TYRP1: variants seen among roughly 807,000 people sequenced by gnomAD.
TYRP1 encodes 5,6-dihydroxyindole-2-carboxylic acid oxidase.
Under a neutral mutation model 42.8 loss-of-function variants are expected in TYRP1, and 49 were observed. The ratio of observed to expected loss-of-function variants is 1.14; its 90% CI spans 0.91 to 1.45. TYRP1 has a LOEUF of 1.45. Among genes scored for constraint, TYRP1 ranks in the 40% most tolerant of loss-of-function variants. The pLI, the probability that TYRP1 is intolerant of heterozygous loss-of-function variation, is 0.00. For missense variants in TYRP1, 848 were observed against 662.0 expected (o/e 1.28, Z -3.08); for synonymous variants, 279 against 235.4 (o/e 1.19, Z -1.69).
At chr9:12,697,116 A>G (rs958288021) in intron 3 of TYRP1, among the ~76,000 whole-genome samples, 8 of 152,174 alleles carry the variant, frequency 5.3e-5, no homozygotes, top group Non-Finnish European at 1.0e-4. Context: ...TTAGTAGATT[A>G]TAGATAAATC....
intron 6 of TYRP1, 37 bp from the exon 7 acceptor site, chr9:12,707,960 T>TTATG (rs1347925803): frequency 6.4e-7 from 1 of 1,561,512 alleles, no homozygotes; most frequent in Non-Finnish European, 8.7e-7. Flanking sequence ...ATTAATTTTA[T>TTATG]TATGTTTATT....
intron 4 of TYRP1, 23 bp downstream of exon 4, chr9:12,698,678 G>A: frequency 6.2e-7 from 1 of 1,606,406 alleles, no homozygotes; most frequent in Non-Finnish European, 8.5e-7. Context: ...TGATAGCTTG[G>A]AGTCAGAATT....
At chr9:12,705,167 G>C (rs570016770) in intron 6 of TYRP1, among the ~76,000 whole-genome samples, 150 of 152,032 alleles carry the variant, frequency 9.9e-4, no homozygotes, top group Admixed American at 1.9e-3. Flanking sequence ...TGTTCCACTT[G>C]AAAAGTTAAT....
At chr9:12,699,317 C>T (rs1818128497) in intron 4 of TYRP1, among the ~76,000 whole-genome samples, 1 of 151,970 alleles carries the variant, frequency 6.6e-6, no homozygotes, top group Non-Finnish European at 1.5e-5. Context: ...TCTTCCTGAG[C>T]TTTCTGTTCT....
Position 12,702,277 on chromosome 9 carries a change from A to G in TYRP1, c.920A>G (p.Glu307Gly). 3 of 1,613,008 alleles carry G rather than the reference A, an allele frequency of 1.9e-6. No individual in the cohort carries two copies. The highest frequency in any genetic ancestry group is 2.7e-5 in the African/African-American group (2 of 74,988). The change falls in exon 5 of 8, where the codon GAG becomes GGG. Residue 307 changes from glutamate (E) to glycine (G), a missense_variant. Physicochemically the swap from Glu to Gly is moderately conservative, Grantham distance 98. Coordinates refer to ENST00000388918, the MANE Select transcript of TYRP1 (RefSeq NM_000550.3). The part of the protein sequence containing the change: ...DTLGTLCNST[E>G]DGPIRRNPAG... ...ATCCCATTTTTTTCTGCAGGCACCG[A>G]GGATGGGCCAATTAGGAGAAATCCA...
rs41316015 is a variant in TYRP1, at chr9:12,708,945, G to T, written c.1409-32G>T. On this transcript the variant is annotated intron_variant, in intron 7 of 7. Coordinates refer to ENST00000388918, the MANE Select transcript of TYRP1 (RefSeq NM_000550.3). ...TTTGGTGATAACTATTTTAATATTT[G>T]TCTTTTTATTTTTATCTTCCTTTCC... The T allele has an allele frequency of 3.9e-6, 6 of 1,541,836 alleles. No homozygotes were observed. The South Asian group carries it at 6.7e-5, about 17-fold the overall frequency.
chr9:12,699,158 T>C (rs1466099690), intron 4 of TYRP1, among the ~76,000 whole-genome samples: 1 of 152,082 alleles, frequency 6.6e-6, no homozygotes, highest in East Asian at 1.9e-4. Context: ...AAAAGGAGTA[T>C]ATTGTACTGA....
chr9:12,708,076 C>T lies in TYRP1; in HGVS notation c.1341C>T (p.Val447=), dbSNP rs1352921355. The T allele has an allele frequency of 9.3e-6, 15 of 1,612,694 alleles. No homozygotes were observed. The highest frequency in any genetic ancestry group is 1.3e-5 in the Non-Finnish European group (15 of 1,179,310). The change falls in exon 7 of 8, where the codon GTC becomes GTT. Residue 447 remains valine (V), a synonymous_variant. Transcript: ENST00000388918. ...QYNMVPFWPP[V]TNTEMFVTAP... ...ACATGGTGCCATTCTGGCCCCCAGT[C>T]ACCAACACAGAAATGTTTGTTACTG...
Position 12,707,574 on chromosome 9 carries a change from G to A in TYRP1, c.1262-423G>A, listed in dbSNP as rs41314614. On this transcript the variant is annotated intron_variant, in intron 6 of 7. Transcript: ENST00000388918. The stretch of plus-strand genomic sequence containing the variant: ...GTGGCTGGAGTAGAGTGGGGTCTGG[G>A]GAGAGAGTGGTGAGAGATAGTAAGG... 3.2e-3 allele frequency: 580 copies of A among 179,466 alleles called. 1 individual carries two copies. Among genetic ancestry groups the A allele is most frequent in the South Asian group, 9.4e-3 (70 of 7,430 alleles). The allele number at this position is 179,466 out of a possible 1,614,324, so 11.1% of individuals were successfully genotyped here. A position where few individuals can be genotyped will look rare whatever the true frequency, so the allele number is the denominator to read the frequency against.
chr9:12,701,018 G>A (rs1302983178), intron 4 of TYRP1, among the ~76,000 whole-genome samples: 2 of 152,004 alleles, frequency 1.3e-5, no homozygotes, highest in East Asian at 3.9e-4. Flanking sequence ...ATGAGTTGAA[G>A]TTGTAAAATT....
At position 12,710,052 on chromosome 9, in the gene TYRP1, C is replaced by A. The variant is rs1161237551; in HGVS notation, c.*870C>A. Reference sequence around the variant, plus strand: ...ATAGCATTATCTTATCATTTATCAGCCTTTTATGTATTTTCCAAGTAAAAT... The same window carrying A: ...ATAGCATTATCTTATCATTTATCAGACTTTTATGTATTTTCCAAGTAAAAT... On this transcript the variant is annotated 3_prime_UTR_variant, in exon 8 of 8. Coordinates refer to ENST00000388918, the MANE Select transcript of TYRP1 (RefSeq NM_000550.3). 2 of 151,622 alleles carry A rather than the reference C, an allele frequency of 1.3e-5. No homozygotes were observed. Among genetic ancestry groups the A allele is most frequent in the African/African-American group, 4.8e-5 (2 of 41,368 alleles). 9.4% of individuals were successfully genotyped at this position (151,622 alleles called of 1,614,324 possible).
At chr9:12,697,890 A>AAAAC (rs1338917759) in intron 3 of TYRP1, among the ~76,000 whole-genome samples, 1 of 152,184 alleles carries the variant, frequency 6.6e-6, no homozygotes, top group African/African-American at 2.4e-5. Context: ...TTCCCTAAAT[A>AAAAC]AAACACCTTC....
At chr9:12,693,691 T>C (rs937225408) in intron 1 of TYRP1, among the ~76,000 whole-genome samples, 1 of 151,148 alleles carries the variant, frequency 6.6e-6, no homozygotes, top group Admixed American at 6.6e-5. Context: ...ATAAACAAAA[T>C]GACGAGGACA....
chr9:12,707,805 G>A (rs1818282791), intron 6 of TYRP1, 192 bp from the exon 7 acceptor site: 1 of 589,814 alleles, frequency 1.7e-6, no homozygotes, highest in Non-Finnish European at 2.9e-6. Context: ...TATTGGTACT[G>A]TATTCAAAGC....
chr9:12,695,864 G>A, intron 3 of TYRP1, 27 bp downstream of exon 3: 1 of 1,608,098 alleles, frequency 6.2e-7, no homozygotes, highest in Non-Finnish European at 8.5e-7. Flanking sequence ...TCAGTTTGCA[G>A]ACTCTTTACA....
At chr9:12,693,761 TA>T (rs58798562) in intron 1 of TYRP1, among the ~76,000 whole-genome samples, 150 bp from the exon 2 acceptor site, 76,700 of 151,210 alleles carry the variant, frequency 0.51, 22,672 homozygotes, top group Non-Finnish European at 0.68. Context: ...ATTTTAAAGG[TA>T]AAATTTGTGT....
Position 12,709,060 on chromosome 9 carries a change from T to A in TYRP1, c.1492T>A (p.Ser498Thr), listed in dbSNP as rs148777155. 1.9e-6 allele frequency: 3 copies of A among 1,612,864 alleles called. No individual in the cohort carries two copies. The highest frequency in any genetic ancestry group is 2.5e-6 in the Non-Finnish European group (3 of 1,179,280). Residue 498 changes from serine (S) to threonine (T), a missense_variant, in exon 8 of 8, where the codon TCT (serine) becomes ACT (threonine). By Grantham distance (58) the Ser-to-Thr change is moderately conservative (BLOSUM62 1). Transcript: ENST00000388918. The part of the protein sequence containing the change: ...LLVALIFGTA[S>T]YLIRARRSMD... ...GGTTGCACTCATTTTTGGGACTGCT[T>A]CTTATCTGATTCGTGCCAGACGCAG...
At chr9:12,704,728 T>G in intron 6 of TYRP1, 23 bp downstream of exon 6, 1 of 1,608,546 alleles carries the variant, frequency 6.2e-7, no homozygotes, top group Non-Finnish European at 8.5e-7. Context: ...CATATGCCTT[T>G]TGCATGCTCA....
chr9:12,706,825 G>C (rs958335371), intron 6 of TYRP1, among the ~76,000 whole-genome samples: 3 of 151,964 alleles, frequency 2.0e-5, no homozygotes, highest in African/African-American at 7.2e-5. Flanking sequence ...TTTAAAATAA[G>C]TCTAGGAGTG....
Sources: gnomAD v4.1 joint callset for allele counts (sites outside exome capture counted in the v4.1 genomes callset) on GRCh38, gnomAD v4.1.1 for gene constraint, MANE v1.5 for transcripts, NCBI Gene and HGNC (gene_info 2026-07-23, HGNC 2026-07-21) for gene names.